Variants in PRMT2 observed in about 807,000 individuals in gnomAD.
PRMT2 encodes the protein protein arginine methyltransferase 2.
A neutral mutation model predicts 57.6 loss-of-function variants in PRMT2; 26 were observed. The observed-to-expected ratio is 0.45, with a 90% CI of 0.33 to 0.63. The LOEUF is 0.63. Ranked by LOEUF, PRMT2 falls within the 20% of genes least tolerant of loss-of-function variation. The pLI, the probability that PRMT2 is intolerant of heterozygous loss-of-function variation, is 0.02. For synonymous variants in PRMT2, 219 were observed against 220.0 expected (o/e 1.00, Z 0.04); for missense variants, 472 against 564.4 (o/e 0.84, Z 1.66).
chr21:46,641,960 C>T (rs2061284324), intron 3 of PRMT2, among the ~76,000 whole-genome samples: 1 of 152,054 alleles, frequency 6.6e-6, no homozygotes, highest in Non-Finnish European at 1.5e-5. Flanking sequence ...AAAAAGATGC[C>T]AGCAAGTATT....
chr21:46,658,949 G>C (rs1350538190), intron 8 of PRMT2, 29 bp downstream of exon 8: 1 of 1,596,280 alleles, frequency 6.3e-7, no homozygotes, highest in African/African-American at 1.3e-5. Context: ...GACTGGCACC[G>C]TCTTGTGGGG....
intron 7 of PRMT2, chr21:46,654,255 A>G: frequency 2.2e-6 from 1 of 455,240 alleles, no homozygotes; most frequent in Non-Finnish European, 2.9e-6. Flanking sequence ...AATACATATG[A>G]TCATTAAAAA....
chr21:46,660,792 T>C lies in PRMT2; in HGVS notation c.831-41T>C, dbSNP rs193248385. ...GTGTGTGTTTTGAAGCCTAAGATGT[T>C]TGCAATGACTCTCAACAGTCGCTTT... is the stretch of plus-strand genomic sequence containing the variant. On this transcript the variant is annotated intron_variant, in intron 8 of 11. Coordinates refer to ENST00000355680, the MANE Select transcript of PRMT2 (RefSeq NM_206962.4). 3.9e-5 allele frequency: 62 copies of C among 1,608,824 alleles called. No homozygotes were observed. In the East Asian group the frequency reaches 1.4e-3, roughly 35 times the overall value.
At chr21:46,662,420 C>T (rs73907585) in intron 10 of PRMT2, among the ~76,000 whole-genome samples, 3,451 of 152,340 alleles carry the variant, frequency 0.023, 129 homozygotes, top group African/African-American at 0.079. Flanking sequence ...CGCTCTGGCA[C>T]CTGCCCCGCT....
chr21:46,661,765 G>A, intron 9 of PRMT2, 35 bp from the exon 10 acceptor site: 1 of 1,309,546 alleles, frequency 7.6e-7, no homozygotes, highest in Non-Finnish European at 9.8e-7. Flanking sequence ...GTGCCACGCG[G>A]TGCCCACGCG....
At chr21:46,660,234 G>C (rs1275397074) in intron 8 of PRMT2, 1 of 906,038 alleles carries the variant, frequency 1.1e-6, no homozygotes. Context: ...AGTGATGGGG[G>C]TTGGCAAACG....
chr21:46,653,992 A>G (rs1037051063), intron 7 of PRMT2: 42 of 1,000,024 alleles, frequency 4.2e-5, no homozygotes, highest in Non-Finnish European at 4.5e-5. Flanking sequence ...TAAAAAATGC[A>G]GCATAGTTAA....
At chr21:46,653,898 G>A in intron 7 of PRMT2, 1 of 1,009,312 alleles carries the variant, frequency 9.9e-7, no homozygotes, top group Non-Finnish European at 1.2e-6. Context: ...CACTTTGTCT[G>A]CACTGGGACA....
rs1013987526 is a variant in PRMT2 at position 46,664,682 on chromosome 21, G to A, written c.*355G>A. 5 of 313,878 alleles carry A rather than the reference G, an allele frequency of 1.6e-5. No individual in the cohort carries two copies. The highest frequency in any genetic ancestry group is 6.3e-5 in the African/African-American group (3 of 47,972). The allele number at this position is 313,878 out of a possible 1,614,324, so 19.4% of individuals were successfully genotyped here. A position where few individuals can be genotyped will look rare whatever the true frequency, so the allele number is the denominator to read the frequency against. ...TCCTAGGACGCACGCATATCAGCCC[G>A]TGTACCCTGTGACAGTGACTGTCCC... On this transcript the variant is annotated 3_prime_UTR_variant, in exon 12 of 12. Coordinates refer to ENST00000355680, the MANE Select transcript of PRMT2 (RefSeq NM_206962.4).
intron 7 of PRMT2, chr21:46,657,143 A>G (rs1177892694): frequency 2.0e-5 from 3 of 152,206 alleles, no homozygotes; most frequent in African/African-American, 7.2e-5. Flanking sequence ...ACAATAAAAA[A>G]AAAATCTGAT....
chr21:46,638,780 T>G (rs2061219580), intron 3 of PRMT2, among the ~76,000 whole-genome samples: 1 of 152,234 alleles, frequency 6.6e-6, no homozygotes, highest in Non-Finnish European at 1.5e-5. Context: ...GTAATTTGTG[T>G]TTTATCTCTT....
In PRMT2 at chr21:46,653,982, T is replaced by TA. The variant is rs528884843; in HGVS notation, c.654+4249dup. 9.6e-5 allele frequency: 96 copies of TA among 1,003,278 alleles called. No individual in the cohort carries two copies. The African/African-American group carries it at 1.5e-3, about 15-fold the overall frequency. 62.1% of individuals were successfully genotyped at this position (1,003,278 alleles called of 1,614,324 possible). On this transcript the variant is annotated intron_variant, in intron 7 of 11. Coordinates refer to ENST00000355680, the MANE Select transcript of PRMT2 (RefSeq NM_206962.4). The stretch of plus-strand genomic sequence containing the variant: ...GGAGCATTTCCGAACTTTCACGTCA[T>TA]AAAAAATGCAGCATAGTTAATCAGC...
At chr21:46,644,633 G>A (rs1483030579) in intron 5 of PRMT2, 145 bp downstream of exon 5, 9 of 724,364 alleles carry the variant, frequency 1.2e-5, no homozygotes, top group Non-Finnish European at 1.9e-5. Flanking sequence ...ATGGTTGTGT[G>A]GAAGCCACTG....
chr21:46,652,233 C>T (rs1276793432), intron 7 of PRMT2: 7 of 1,374,802 alleles, frequency 5.1e-6, no homozygotes, highest in Non-Finnish European at 5.6e-6. Context: ...AAAATTGCTA[C>T]AAGTTTATTT....
chr21:46,643,532 C>A lies in PRMT2; in HGVS notation c.40-3C>A. 1 of 1,555,032 alleles carries A rather than the reference C, an allele frequency of 6.4e-7. No homozygotes were observed. Among genetic ancestry groups the A allele is most frequent in the Non-Finnish European group, 8.7e-7 (1 of 1,155,840 alleles). On this transcript the variant is annotated splice_polypyrimidine_tract_variant and splice_region_variant and intron_variant, in intron 3 of 11. Coordinates refer to ENST00000355680, the MANE Select transcript of PRMT2 (RefSeq NM_206962.4). ...TCCTCACGCTTTCCTTGGCTTTGAG[C>A]AGGGAGAAGAGCCTGCTGAGTGCAG...
At position 46,649,643 on chromosome 21, in the gene PRMT2, T is replaced by C. The variant is rs1331286913; in HGVS notation, c.558T>C (p.Ala186=). Residue 186 remains alanine, a synonymous_variant, in exon 7 of 12, where the codon GCT becomes GCC. Coordinates refer to ENST00000355680, the MANE Select transcript of PRMT2 (RefSeq NM_206962.4). This position sits in a 1 kb window ranked among gnomAD's most constrained non-coding sequence, Gnocchi z 4.8. ...AGCTGGTCCTGCAGAACGGCTTTGC[T>C]GACATCATCACCGTGTACCAGCAGA... ...TGQLVLQNGF[A]DIITVYQQKV... 3.7e-6 allele frequency: 6 copies of C among 1,613,960 alleles called. No individual in the cohort carries two copies. Among genetic ancestry groups the C allele is most frequent in the Admixed American group, 1.7e-5 (1 of 60,004 alleles).
At chr21:46,643,760 A>G in intron 4 of PRMT2, 121 bp downstream of exon 4, 1 of 1,225,292 alleles carries the variant, frequency 8.2e-7, no homozygotes, top group South Asian at 1.8e-5. Context: ...GTAGGGCCAC[A>G]CAAGACCTGT....
chr21:46,659,123 G>A, intron 8 of PRMT2: 1 of 1,295,988 alleles, frequency 7.7e-7, no homozygotes, highest in Non-Finnish European at 9.8e-7. Flanking sequence ...GAGCAGGGTA[G>A]AATGCAAGGA....
At chr21:46,655,456 AATC>A (rs1327946181) in intron 7 of PRMT2, among the ~76,000 whole-genome samples, 2 of 152,224 alleles carry the variant, frequency 1.3e-5, no homozygotes, top group African/African-American at 4.8e-5. Context: ...GAAGAAGAAA[AATC>A]ATGATTATAT....
Sources: allele counts gnomAD v4.1 joint callset (sites outside exome capture counted in the v4.1 genomes callset), GRCh38; gene constraint gnomAD v4.1.1; non-coding constraint Gnocchi (gnomAD v3.1); transcripts MANE v1.5; gene names NCBI Gene and HGNC (gene_info 2026-07-23, HGNC 2026-07-21).